The following ZNF430 variants were observed in gnomAD, a reference collection of about 807,000 sequenced individuals.
The protein encoded by ZNF430 is zinc finger protein 430.
ZNF430 carries 35 observed loss-of-function variants against 56.7 expected under a neutral mutation model. The ratio of observed to expected loss-of-function variants is 0.62; its 90% CI spans 0.47 to 0.82. The LOEUF is 0.82. ZNF430 is among the 40% of genes least tolerant of loss of function. The probability of loss-of-function intolerance (pLI) is 0.00; values close to 1 mark genes in which losing one functional copy is unlikely to be tolerated. For synonymous variants in ZNF430, 212 were observed against 224.3 expected, an observed-to-expected ratio of 0.94 and a Z score of 0.49; for missense variants, 574 against 661.0, an observed-to-expected ratio of 0.87 and a Z score of 1.44.
Position 21,021,210 on chromosome 19 carries a change from A to C in ZNF430, c.3+407A>C, listed in dbSNP as rs940211273. The stretch of plus-strand genomic sequence containing the variant: ...TAGTTCCTCTTTTCTCCTATTAAAA[A>C]TGTACAGACCGGGAGGGGTGGCTCA... On this transcript the variant is annotated intron_variant, in intron 1 of 4. Transcript: ENST00000261560. Among the ~76,000 whole-genome samples the C allele has an allele frequency of 3.3e-5, 5 of 152,186 alleles. No individual in the cohort carries two copies. The East Asian group carries it at 9.7e-4, about 29-fold the overall frequency.
At chr19:21,021,014 G>T (rs1221662746) in intron 1 of ZNF430, among the ~76,000 whole-genome samples, 1 of 152,202 alleles carries the variant, frequency 6.6e-6, no homozygotes, top group African/African-American at 2.4e-5. Flanking sequence ...TCCTTGCGCA[G>T]TGACTGTGCC....
intron 2 of ZNF430, among the ~76,000 whole-genome samples, chr19:21,030,715 T>C (rs1238331389): frequency 6.6e-6 from 1 of 151,990 alleles, no homozygotes; most frequent in East Asian, 1.9e-4. Context: ...AACATCAGCA[T>C]TGACAGGGAA....
intron 2 of ZNF430, among the ~76,000 whole-genome samples, chr19:21,027,815 G>GAGACA (rs1967831545): frequency 6.6e-6 from 1 of 151,676 alleles, no homozygotes; most frequent in Admixed American, 6.6e-5. Context: ...ATTCAATTTT[G>GAGACA]GAGCTTGTTA....
intron 2 of ZNF430, 74 bp downstream of exon 2, chr19:21,022,955 C>T: frequency 9.2e-7 from 1 of 1,089,542 alleles, no homozygotes; most frequent in Non-Finnish European, 1.4e-6. Flanking sequence ...TGCTGGTCAA[C>T]CAATCAGACT....
chr19:21,033,615 T>C (rs1967941668), intron 3 of ZNF430, 33 bp downstream of exon 3: 2 of 1,566,124 alleles, frequency 1.3e-6, no homozygotes, highest in Admixed American at 2.0e-5. Flanking sequence ...ATTACTAGTA[T>C]ACCCTAAAGG....
intron 2 of ZNF430, among the ~76,000 whole-genome samples, chr19:21,027,730 G>T (rs1236837085): frequency 6.6e-6 from 1 of 151,502 alleles, no homozygotes; most frequent in African/African-American, 2.4e-5. Context: ...GCTCTTTTTT[G>T]TACATCTGGT....
intron 4 of ZNF430, among the ~76,000 whole-genome samples, chr19:21,052,105 A>G (rs1206839272): frequency 6.6e-6 from 1 of 152,212 alleles, no homozygotes; most frequent in East Asian, 1.9e-4. Context: ...TTTAATATCT[A>G]TATAGTTATA....
intron 2 of ZNF430, among the ~76,000 whole-genome samples, chr19:21,024,248 C>T (rs1967750308): frequency 6.6e-6 from 1 of 152,086 alleles, no homozygotes; most frequent in Non-Finnish European, 1.5e-5. Flanking sequence ...GACCCACAGG[C>T]AGATGCAGTT....
intron 2 of ZNF430, among the ~76,000 whole-genome samples, chr19:21,027,791 G>A (rs1009427845): frequency 6.6e-6 from 1 of 152,012 alleles, no homozygotes; most frequent in South Asian, 2.1e-4. Context: ...TGGCTAGTAG[G>A]CTATTTCTTA....
Position 21,058,173 on chromosome 19 carries a change from G to A in ZNF430, c.*152G>A, listed in dbSNP as rs765684753. On this transcript the variant is annotated 3_prime_UTR_variant, in exon 5 of 5. Coordinates refer to ENST00000261560, the MANE Select transcript of ZNF430 (RefSeq NM_025189.4). ...ACATAAGATAATTCTGGCTGGGTGC[G>A]GTGGCTCACACCTGTAATCCCAGCA... 24 of 752,042 alleles carry A rather than the reference G, an allele frequency of 3.2e-5. No homozygotes were observed. The highest frequency in any genetic ancestry group is 3.5e-4 in the Middle Eastern group (1 of 2,894). The allele number at this position is 752,042 out of a possible 1,614,324, so 46.6% of individuals were successfully genotyped here. A position where few individuals can be genotyped will look rare whatever the true frequency, so the allele number is the denominator to read the frequency against.
At chr19:21,022,756 G>A (rs1967719311) in intron 1 of ZNF430, 33 bp from the exon 2 acceptor site, 4 of 1,398,030 alleles carry the variant, frequency 2.9e-6, no homozygotes, top group Middle Eastern at 1.8e-4. Context: ...AGTGTCTAGT[G>A]GATATCAGCT....
intron 4 of ZNF430, among the ~76,000 whole-genome samples, chr19:21,054,669 C>CTTTTTTTTT (rs55772412): frequency 5.0e-4 from 33 of 65,592 alleles, no homozygotes; most frequent in Non-Finnish European, 5.2e-4. Context: ...ATTTTTACGT[C>CTTTTTTTTT]TTTTTTTTTT....
At chr19:21,039,763 G>A (rs1968070971) in intron 4 of ZNF430, among the ~76,000 whole-genome samples, 1 of 152,048 alleles carries the variant, frequency 6.6e-6, no homozygotes, top group Non-Finnish European at 1.5e-5. Context: ...ACCGCACCCG[G>A]CCTACTTTTG....
At chr19:21,029,165 A>G (rs1289046025) in intron 2 of ZNF430, among the ~76,000 whole-genome samples, 3 of 152,196 alleles carry the variant, frequency 2.0e-5, no homozygotes, top group African/African-American at 7.2e-5. Flanking sequence ...CATGATCCTT[A>G]CTATCCAGGA....
chr19:21,039,387 A>G (rs1313705627), intron 4 of ZNF430, among the ~76,000 whole-genome samples: 1 of 135,240 alleles, frequency 7.4e-6, no homozygotes, highest in Non-Finnish European at 1.6e-5. Flanking sequence ...GAGCCACTAC[A>G]CTCGGCCCAT....
chr19:21,049,369 A>C (rs1289959208), intron 4 of ZNF430: 1 of 152,038 alleles, frequency 6.6e-6, no homozygotes, highest in Non-Finnish European at 1.5e-5. Context: ...CCATTATGAT[A>C]GTAAAAAATT....
chr19:21,020,762 T>C lies in ZNF430; in HGVS notation c.-39T>C, dbSNP rs1458096845. On this transcript the variant is annotated 5_prime_UTR_variant, in exon 1 of 5. Coordinates refer to ENST00000261560, the MANE Select transcript of ZNF430 (RefSeq NM_025189.4). ...CCTGTGACCCGCAGGTATTGGGAGA[T>C]CTACAGCTAAGACGCCAGGAACCCC... is the stretch of plus-strand genomic sequence containing the variant. 3.7e-6 allele frequency: 6 copies of C among 1,613,174 alleles called. No homozygotes were observed. Among genetic ancestry groups the C allele is most frequent in the Non-Finnish European group, 5.1e-6 (6 of 1,179,508 alleles).
chr19:21,054,551 G>A (rs1203069548), intron 4 of ZNF430, among the ~76,000 whole-genome samples: 1 of 150,792 alleles, frequency 6.6e-6, no homozygotes, highest in African/African-American at 2.4e-5. Flanking sequence ...CTTTTATCTT[G>A]CAGTTTCCAA....
intron 1 of ZNF430, among the ~76,000 whole-genome samples, chr19:21,022,504 C>T (rs1367025132): frequency 6.6e-6 from 1 of 152,064 alleles, no homozygotes; most frequent in Non-Finnish European, 1.5e-5. Context: ...GTAAATATTT[C>T]CCATGTGAAG....
Sources: allele counts gnomAD v4.1 joint callset (sites outside exome capture counted in the v4.1 genomes callset), GRCh38; gene constraint gnomAD v4.1.1; transcripts MANE v1.5; gene names NCBI Gene and HGNC (gene_info 2026-07-23, HGNC 2026-07-21).